The following SNTG1 variants were observed in gnomAD, a reference collection of about 807,000 sequenced individuals.
SNTG1 encodes gamma-1-syntrophin.
Under a neutral mutation model 74.7 loss-of-function variants are expected in SNTG1, and 39 were observed. The ratio of observed to expected loss-of-function variants is 0.52; its 90% CI spans 0.40 to 0.68. The LOEUF (loss-of-function observed/expected upper bound fraction) is 0.68. Among genes scored for constraint, SNTG1 ranks in the 30% least tolerant of loss-of-function variants. SNTG1 has a pLI of 0.00. For synonymous variants in SNTG1, 254 were observed against 217.1 expected (o/e 1.17, Z -1.49); for missense variants, 685 against 609.5 (o/e 1.12, Z -1.30).
intron 2 of SNTG1, among the ~76,000 whole-genome samples, chr8:50,393,776 A>G (rs1275253941): frequency 6.6e-6 from 1 of 152,200 alleles, no homozygotes; most frequent in East Asian, 1.9e-4. Context: ...TTTTTAATTA[A>G]AAAGAGAGAG....
At chr8:50,066,206 AG>A (rs1820886349) in intron 1 of SNTG1, among the ~76,000 whole-genome samples, 1 of 151,660 alleles carries the variant, frequency 6.6e-6, no homozygotes, top group Non-Finnish European at 1.5e-5. Flanking sequence ...CAAAAGCAAA[AG>A]CTCCATCTCA....
chr8:50,020,279 G>A (rs1816703154), intron 1 of SNTG1, among the ~76,000 whole-genome samples: 1 of 152,070 alleles, frequency 6.6e-6, no homozygotes, highest in African/African-American at 2.4e-5. Context: ...AGTACAGAGT[G>A]AATAATAAGC....
intron 9 of SNTG1, among the ~76,000 whole-genome samples, chr8:50,507,847 C>T (rs111511576): frequency 0.048 from 7,208 of 150,882 alleles, 302 homozygotes; most frequent in African/African-American, 0.11. Flanking sequence ...CCCACACCCC[C>T]AAACAAGCCC....
intron 12 of SNTG1, chr8:50,575,624 T>C (rs1390544212): frequency 6.6e-6 from 1 of 152,350 alleles, no homozygotes; most frequent in Non-Finnish European, 1.5e-5. Context: ...GTGAGGGCAC[T>C]GCTGCTACCT....
At chr8:50,313,004 A>T (rs1301497679) in intron 2 of SNTG1, among the ~76,000 whole-genome samples, 3 of 149,700 alleles carry the variant, frequency 2.0e-5, no homozygotes, top group African/African-American at 7.5e-5. Context: ...CTACAGATTC[A>T]ATACAATCCC....
At chr8:50,786,064 C>A (rs191631516) in intron 18 of SNTG1, among the ~76,000 whole-genome samples, 2 of 152,028 alleles carry the variant, frequency 1.3e-5, no homozygotes, top group African/African-American at 4.8e-5. Flanking sequence ...CTTTCATCAA[C>A]CTTGTGTTGG....
chr8:50,389,793 A>T lies in SNTG1; in HGVS notation c.-27-4419A>T, dbSNP rs1408027616. The stretch of plus-strand genomic sequence containing the variant: ...TCGCCATTCTAACTGGTTCAAGATG[A>T]TATCTCATTGTGGTTTTGATTTTCA... On this transcript the variant is annotated intron_variant, in intron 2 of 18. Transcript: ENST00000642720. Among the ~76,000 whole-genome samples the T allele has an allele frequency of 2.6e-5, 4 of 152,112 alleles. No homozygotes were observed. In the East Asian group the frequency reaches 7.7e-4, roughly 29 times the overall value.
At chr8:50,090,966 TA>T (rs1037804507) in intron 1 of SNTG1, among the ~76,000 whole-genome samples, 1 of 152,090 alleles carries the variant, frequency 6.6e-6, no homozygotes, top group Non-Finnish European at 1.5e-5. Context: ...TTACTACTTT[TA>T]AAAATGCTGG....
At position 50,112,880 on chromosome 8, in the gene SNTG1, T is replaced by G. The variant is rs183006984; in HGVS notation, c.-102-59681T>G. Among the ~76,000 whole-genome samples the G allele has an allele frequency of 5.3e-3, 805 of 152,252 alleles. 11 individuals carry two copies. The highest frequency in any genetic ancestry group is 0.018 in the African/African-American group (760 of 41,552). ...TTCCCCATTTCTTGTTTTTGTCAGG[T>G]TTGTCAAAAATCAGATAGTTGTAAA... On this transcript the variant is annotated intron_variant, in intron 1 of 18. Coordinates refer to ENST00000642720, the MANE Select transcript of SNTG1 (RefSeq NM_018967.5).
chr8:49,947,917 G>T (rs898363901), intron 1 of SNTG1, among the ~76,000 whole-genome samples: 4 of 152,124 alleles, frequency 2.6e-5, no homozygotes, highest in Non-Finnish European at 5.9e-5. Flanking sequence ...GATCACATGA[G>T]GTAAGGAGTT....
At chr8:50,317,930 G>A (rs1563888859) in intron 2 of SNTG1, among the ~76,000 whole-genome samples, 2 of 151,946 alleles carry the variant, frequency 1.3e-5, no homozygotes, top group Non-Finnish European at 2.9e-5. Flanking sequence ...TCCGCCTCCC[G>A]GGTTCACGCC....
intron 1 of SNTG1, among the ~76,000 whole-genome samples, chr8:49,928,518 A>AC (rs1202677568): frequency 2.0e-5 from 3 of 152,026 alleles, no homozygotes; most frequent in Non-Finnish European, 4.4e-5. Flanking sequence ...AGTGTGAGCC[A>AC]CCGCGACCGG....
At chr8:50,777,569 G>A (rs1478878671) in intron 18 of SNTG1, among the ~76,000 whole-genome samples, 1 of 151,242 alleles carries the variant, frequency 6.6e-6, no homozygotes, top group Non-Finnish European at 1.5e-5. Flanking sequence ...GAACAATTTT[G>A]TTGTGACTAC....
chr8:50,464,633 A>C (rs916008672), intron 8 of SNTG1, among the ~76,000 whole-genome samples: 40 of 152,126 alleles, frequency 2.6e-4, no homozygotes, highest in Middle Eastern at 3.4e-3. Context: ...ACCGATCATC[A>C]AGAGGCTGAT....
intron 9 of SNTG1, among the ~76,000 whole-genome samples, chr8:50,518,086 T>C (rs2094148916): frequency 1.3e-5 from 2 of 151,868 alleles, no homozygotes; most frequent in African/African-American, 4.8e-5. Context: ...TACAAGAGAA[T>C]GAGAATCATA....
chr8:49,957,354 A>G (rs111510492), intron 1 of SNTG1, among the ~76,000 whole-genome samples: 2 of 152,210 alleles, frequency 1.3e-5, no homozygotes, highest in Non-Finnish European at 2.9e-5. Context: ...TCTCATTCCA[A>G]TGAAATGAAT....
At chr8:50,164,673 C>T (rs16914357) in intron 1 of SNTG1, among the ~76,000 whole-genome samples, 19,671 of 152,082 alleles carry the variant, frequency 0.13, 4,155 homozygotes, top group African/African-American at 0.44. Context: ...CCTAGAAGAG[C>T]GCAAGGTCCC....
At chr8:50,592,427 C>T (rs552529576) in intron 13 of SNTG1, among the ~76,000 whole-genome samples, 34 of 152,194 alleles carry the variant, frequency 2.2e-4, no homozygotes, top group Middle Eastern at 3.4e-3. Context: ...GAGGTCATTC[C>T]GCTGATAGCC....
intron 1 of SNTG1, among the ~76,000 whole-genome samples, chr8:49,949,903 G>T (rs6994348): frequency 0.013 from 1,961 of 152,316 alleles, 49 homozygotes; most frequent in African/African-American, 0.043. Flanking sequence ...ACTTTGGGAG[G>T]ATTGCTTGAG....
Sources: allele counts gnomAD v4.1 joint callset (sites outside exome capture counted in the v4.1 genomes callset), GRCh38; gene constraint gnomAD v4.1.1; transcripts MANE v1.5; gene names NCBI Gene and HGNC (gene_info 2026-07-23, HGNC 2026-07-21).